The following DPYD variants were observed in gnomAD, a reference collection of about 807,000 sequenced individuals.
DPYD encodes dihydropyrimidine dehydrogenase [NADP(+)].
A neutral mutation model predicts 116.2 loss-of-function variants in DPYD; 109 were observed. The observed-to-expected ratio is 0.94, with a 90% CI of 0.80 to 1.10. The LOEUF (loss-of-function observed/expected upper bound fraction) is 1.10, where lower values mean the gene tolerates loss of function less well. Among genes scored for constraint, DPYD ranks in the 50% least tolerant of loss-of-function variants. The pLI is 0.00. For missense variants in DPYD, 1,302 were observed against 1,254.5 expected (o/e 1.04, Z -0.57); for synonymous variants, 440 against 432.0 (o/e 1.02, Z -0.23).
chr1:97,594,235 G>A (rs1243265892), intron 9 of DPYD, among the ~76,000 whole-genome samples: 1 of 152,110 alleles, frequency 6.6e-6, no homozygotes, highest in Non-Finnish European at 1.5e-5. Flanking sequence ...GGAAGATTTT[G>A]TATTTGGGAC....
chr1:97,405,408 G>A (rs994936050), intron 14 of DPYD, among the ~76,000 whole-genome samples: 1 of 152,020 alleles, frequency 6.6e-6, no homozygotes. Context: ...TTGTTTGTCT[G>A]AGAAAGTGTT....
At chr1:97,323,240 A>T in intron 16 of DPYD, among the ~76,000 whole-genome samples, 1 of 135,698 alleles carries the variant, frequency 7.4e-6, no homozygotes, top group Non-Finnish European at 1.6e-5. Context: ...ATATATGTAT[A>T]CACATTTATA....
At chr1:97,303,785 T>A (rs1433296125) in intron 18 of DPYD, among the ~76,000 whole-genome samples, 1 of 151,982 alleles carries the variant, frequency 6.6e-6, no homozygotes, top group Non-Finnish European at 1.5e-5. Flanking sequence ...AAAATGAAAG[T>A]TCTACCCAGG....
chr1:97,236,162 G>C (rs1200529613), intron 18 of DPYD, among the ~76,000 whole-genome samples: 1 of 152,056 alleles, frequency 6.6e-6, no homozygotes, highest in South Asian at 2.1e-4. Context: ...GGTCCTTTAA[G>C]CATTTTCTGA....
intron 19 of DPYD, among the ~76,000 whole-genome samples, chr1:97,229,572 ATATATATATATAT>A (rs1661446704): frequency 1.5e-5 from 2 of 133,028 alleles, no homozygotes; most frequent in Admixed American, 7.5e-5. Context: ...ATATATATAT[ATATATATATATAT>A]ATATACTGAT....
intron 5 of DPYD, chr1:97,700,213 T>C: frequency 2.2e-6 from 1 of 455,880 alleles, no homozygotes; most frequent in South Asian, 1.5e-5. Context: ...GCTAAGCATC[T>C]TGAAGAGAAC....
intron 14 of DPYD, among the ~76,000 whole-genome samples, chr1:97,386,225 T>C (rs1170193991): frequency 2.6e-5 from 4 of 152,030 alleles, no homozygotes. Flanking sequence ...GCACTGATCA[T>C]AGGAATTAGG....
chr1:97,480,709 G>A (rs893787153), intron 13 of DPYD, among the ~76,000 whole-genome samples: 4 of 152,282 alleles, frequency 2.6e-5, no homozygotes, highest in African/African-American at 7.2e-5. Flanking sequence ...GGCTGGGCAC[G>A]GTGGCTCACG....
At chr1:97,791,960 A>G (rs1667341630) in intron 3 of DPYD, among the ~76,000 whole-genome samples, 1 of 152,200 alleles carries the variant, frequency 6.6e-6, no homozygotes, top group Non-Finnish European at 1.5e-5. Context: ...CAGAGTGCTC[A>G]TAATATTTTG....
At chr1:97,206,195 C>T (rs1420294823) in intron 19 of DPYD, among the ~76,000 whole-genome samples, 1 of 151,794 alleles carries the variant, frequency 6.6e-6, no homozygotes, top group Non-Finnish European at 1.5e-5. Context: ...ACAGGGGAGG[C>T]AAGGAGCTAC....
chr1:97,625,866 T>C (rs146151083), intron 8 of DPYD, among the ~76,000 whole-genome samples: 1 of 152,186 alleles, frequency 6.6e-6, no homozygotes, highest in African/African-American at 2.4e-5. Flanking sequence ...AAACACTCAG[T>C]TTTATTTTTT....
At position 97,860,779 on chromosome 1, in the gene DPYD, A is replaced by T. The variant is rs185853408; in HGVS notation, c.150+22485T>A. 3.5e-3 allele frequency among the ~76,000 whole-genome samples: 540 copies of T among 152,170 alleles called. 7 individuals are homozygous for T. The highest frequency in any genetic ancestry group is 0.013 in the African/African-American group (521 of 41,572). On this transcript the variant is annotated intron_variant, in intron 2 of 22. Coordinates refer to ENST00000370192, the MANE Select transcript of DPYD (RefSeq NM_000110.4). ...CCATATAAAAACAACTCTAGTAATT[A>T]AAAAAATCACATTATATGAAACATT...
At chr1:97,466,838 A>G (rs1334708193) in intron 13 of DPYD, among the ~76,000 whole-genome samples, 2 of 152,242 alleles carry the variant, frequency 1.3e-5, no homozygotes, top group South Asian at 2.1e-4. Flanking sequence ...TTGGATTCTA[A>G]AAGTTTTTCA....
chr1:97,390,679 A>C (rs1672642194), intron 14 of DPYD, among the ~76,000 whole-genome samples: 1 of 151,962 alleles, frequency 6.6e-6, no homozygotes, highest in African/African-American at 2.4e-5. Context: ...GGGGCTGACA[A>C]ATGTCTTATT....
chr1:97,504,736 C>G (rs900936076), intron 13 of DPYD, among the ~76,000 whole-genome samples: 9 of 151,972 alleles, frequency 5.9e-5, no homozygotes, highest in Admixed American at 5.9e-4. Flanking sequence ...TAATATTTAT[C>G]AATTTAAAAT....
intron 3 of DPYD, among the ~76,000 whole-genome samples, chr1:97,756,798 T>A (rs1244732027): frequency 6.6e-6 from 1 of 152,190 alleles, no homozygotes; most frequent in Non-Finnish European, 1.5e-5. Context: ...GTAATGCTAA[T>A]ACAAAAGCAG....
intron 3 of DPYD, among the ~76,000 whole-genome samples, chr1:97,783,027 C>T (rs1470451048): frequency 6.6e-6 from 1 of 152,110 alleles, no homozygotes; most frequent in African/African-American, 2.4e-5. Flanking sequence ...GAGAGAAGCA[C>T]CAAATGCTAG....
At chr1:97,579,447 T>C (rs1283041006) in intron 10 of DPYD, among the ~76,000 whole-genome samples, 1 of 152,220 alleles carries the variant, frequency 6.6e-6, no homozygotes, top group Non-Finnish European at 1.5e-5. Context: ...TCATCCTATG[T>C]TGCGAGGTTG....
At chr1:97,347,643 T>C (rs894588505) in intron 16 of DPYD, among the ~76,000 whole-genome samples, 1 of 152,090 alleles carries the variant, frequency 6.6e-6, no homozygotes, top group Non-Finnish European at 1.5e-5. Flanking sequence ...GGCTCATAAA[T>C]TGAGGGAGTA....
Sources: gnomAD v4.1 joint callset for allele counts (sites outside exome capture counted in the v4.1 genomes callset) on GRCh38, gnomAD v4.1.1 for gene constraint, MANE v1.5 for transcripts, NCBI Gene and HGNC (gene_info 2026-07-23, HGNC 2026-07-21) for gene names.